PCGF5: variants seen among roughly 807,000 people sequenced by gnomAD.
PCGF5 encodes polycomb group RING finger protein 5.
PCGF5 carries 9 observed loss-of-function variants against 44.3 expected under a neutral mutation model. That is an observed-to-expected ratio of 0.20 (90% CI 0.12 to 0.35). PCGF5 has a LOEUF of 0.35. Ranked by LOEUF, PCGF5 falls within the 10% of genes least tolerant of loss-of-function variation. The pLI is 1.00. For missense variants in PCGF5, 146 were observed against 305.3 expected (o/e 0.48, Z 3.89); for synonymous variants, 95 against 102.5 (o/e 0.93, Z 0.44).
chr10:91,183,209 A>G (rs1843854187), intron 1 of PCGF5, among the ~76,000 whole-genome samples: 1 of 152,108 alleles, frequency 6.6e-6, no homozygotes. Context: ...GTCTCCCACT[A>G]TTATTGTGTG....
At chr10:91,223,671 ATTT>A (rs1190639299) in intron 2 of PCGF5, among the ~76,000 whole-genome samples, 1 of 152,136 alleles carries the variant, frequency 6.6e-6, no homozygotes, top group East Asian at 1.9e-4. Context: ...GCATGATTTC[ATTT>A]TTTATTTCAG....
rs552358623 is a variant in PCGF5 at position 91,226,904 on chromosome 10, A to G, written c.112+3921A>G. ...CTCTTCCCTTCAGTAGGCCAGGGACATTTGATAAATAGATAAAATTTTTAA... is the reference window on the plus strand; with the variant it reads ...CTCTTCCCTTCAGTAGGCCAGGGACGTTTGATAAATAGATAAAATTTTTAA... On this transcript the variant is annotated intron_variant, in intron 2 of 9. Coordinates refer to ENST00000336126, the MANE Select transcript of PCGF5 (RefSeq NM_032373.5). 1.6e-3 allele frequency among the ~76,000 whole-genome samples: 237 copies of G among 152,282 alleles called. 1 individual carries two copies. The highest frequency in any genetic ancestry group is 3.0e-3 in the Non-Finnish European group (205 of 67,996).
At chr10:91,257,958 A>G (rs548120176) in intron 6 of PCGF5, among the ~76,000 whole-genome samples, 5 of 152,274 alleles carry the variant, frequency 3.3e-5, no homozygotes, top group Non-Finnish European at 5.9e-5. Flanking sequence ...ATGTGATACT[A>G]TTCAGTCATA....
intron 2 of PCGF5, among the ~76,000 whole-genome samples, chr10:91,234,608 A>G (rs971792510): frequency 6.6e-6 from 1 of 152,238 alleles, no homozygotes; most frequent in South Asian, 2.1e-4. Context: ...CAAACTAATC[A>G]TAGTCTGATA....
intron 6 of PCGF5, among the ~76,000 whole-genome samples, chr10:91,253,911 G>A (rs142951998): frequency 1.3e-5 from 2 of 152,140 alleles, no homozygotes; most frequent in East Asian, 3.9e-4. Flanking sequence ...ACAGACAATA[G>A]TAAATGAATG....
At chr10:91,258,572 T>C (rs193112386) in intron 6 of PCGF5, among the ~76,000 whole-genome samples, 1 of 152,172 alleles carries the variant, frequency 6.6e-6, no homozygotes, top group East Asian at 1.9e-4. Flanking sequence ...AACTGGGGCT[T>C]GTAAAAATGT....
At chr10:91,185,554 G>A (rs1843907270) in intron 1 of PCGF5, among the ~76,000 whole-genome samples, 1 of 152,230 alleles carries the variant, frequency 6.6e-6, no homozygotes, top group Admixed American at 6.5e-5. Flanking sequence ...CTAGGGGTAT[G>A]TATGGAGGTC....
intron 1 of PCGF5, among the ~76,000 whole-genome samples, chr10:91,165,601 G>A (rs1843485846): frequency 6.6e-6 from 1 of 152,178 alleles, no homozygotes; most frequent in South Asian, 2.1e-4. Flanking sequence ...GATCCAATAT[G>A]AAGTATTAAT....
chr10:91,187,418 A>C (rs1030193350), intron 1 of PCGF5, among the ~76,000 whole-genome samples: 1 of 152,128 alleles, frequency 6.6e-6, no homozygotes, highest in African/African-American at 2.4e-5. Context: ...TTGTGGATAC[A>C]GTCCATAGAG....
chr10:91,168,987 C>T (rs1029920976), intron 1 of PCGF5, among the ~76,000 whole-genome samples: 8 of 138,158 alleles, frequency 5.8e-5, no homozygotes, highest in African/African-American at 8.0e-5. Context: ...GTGCATTGTG[C>T]GTAGAGTGGT....
intron 1 of PCGF5, among the ~76,000 whole-genome samples, chr10:91,176,639 G>A (rs945801285): frequency 3.1e-4 from 47 of 151,292 alleles, no homozygotes; most frequent in African/African-American, 1.1e-3. Context: ...TAAACTTCTC[G>A]CTTCATTTCA....
intron 1 of PCGF5, among the ~76,000 whole-genome samples, chr10:91,197,122 C>T (rs970173621): frequency 6.6e-6 from 1 of 152,174 alleles, no homozygotes; most frequent in Non-Finnish European, 1.5e-5. Flanking sequence ...CAAAACTTAA[C>T]GATTTCAAAC....
intron 2 of PCGF5, among the ~76,000 whole-genome samples, chr10:91,233,905 T>G (rs1341725714): frequency 6.6e-6 from 1 of 152,236 alleles, no homozygotes; most frequent in Non-Finnish European, 1.5e-5. Context: ...CAGCCTTTGG[T>G]CAGTTTTAAT....
chr10:91,264,080 C>G (rs551772252), intron 7 of PCGF5, among the ~76,000 whole-genome samples: 1 of 152,212 alleles, frequency 6.6e-6, no homozygotes, highest in South Asian at 2.1e-4. Flanking sequence ...TCTGCAGGTT[C>G]TTGTTCAGAA....
At chr10:91,185,580 C>T (rs1270961085) in intron 1 of PCGF5, among the ~76,000 whole-genome samples, 1 of 152,198 alleles carries the variant, frequency 6.6e-6, no homozygotes, top group Admixed American at 6.5e-5. Context: ...TCCCTCTTTG[C>T]CTGAGTTGTA....
intron 1 of PCGF5, among the ~76,000 whole-genome samples, chr10:91,205,250 A>G (rs1844324689): frequency 6.6e-6 from 1 of 151,910 alleles, no homozygotes; most frequent in Non-Finnish European, 1.5e-5. Flanking sequence ...AAAGGCTATT[A>G]TGGAACGATT....
intron 2 of PCGF5, among the ~76,000 whole-genome samples, chr10:91,225,256 TATATATGTATATACGATATATATC>T (rs1457869581): frequency 6.8e-6 from 1 of 147,464 alleles, no homozygotes; most frequent in Non-Finnish European, 1.5e-5. Context: ...ATATATATCG[TATATATGTATATACGATATATATC>T]ATATATAACA....
chr10:91,277,829 G>C (rs1189321424), intron 9 of PCGF5, among the ~76,000 whole-genome samples: 5 of 151,854 alleles, frequency 3.3e-5, no homozygotes, highest in African/African-American at 1.2e-4. Flanking sequence ...TAGCAGAGGG[G>C]GTCTCTTTGT....
chr10:91,275,477 T>C (rs1371018924), intron 9 of PCGF5, among the ~76,000 whole-genome samples: 2 of 151,562 alleles, frequency 1.3e-5, no homozygotes, highest in African/African-American at 4.8e-5. Flanking sequence ...AATCTTGCTC[T>C]GTTGCCAGGC....
Sources: allele counts gnomAD v4.1 joint callset (sites outside exome capture counted in the v4.1 genomes callset), GRCh38; gene constraint gnomAD v4.1.1; transcripts MANE v1.5; gene names NCBI Gene and HGNC (gene_info 2026-07-23, HGNC 2026-07-21).